Variants in GRB14 observed in about 807,000 individuals in gnomAD.
GRB14 encodes growth factor receptor bound protein 14, also known as growth factor receptor-bound protein 14.
A neutral mutation model predicts 69.1 loss-of-function variants in GRB14; 38 were observed. The ratio of observed to expected loss-of-function variants is 0.55; its 90% CI spans 0.42 to 0.72. GRB14 has a LOEUF of 0.72. Ranked by LOEUF, GRB14 falls within the 30% of genes least tolerant of loss-of-function variation. The pLI is 0.00. For synonymous variants in GRB14, 247 were observed against 241.3 expected (o/e 1.02, Z -0.22); for missense variants, 666 against 666.1 (o/e 1.00, Z 0.00).
chr2:164,500,450 A>G (rs73971021), intron 9 of GRB14, among the ~76,000 whole-genome samples: 6,898 of 152,202 alleles, frequency 0.045, 536 homozygotes, highest in African/African-American at 0.16. Context: ...CTAAAAACTT[A>G]TATGTTAATC....
At chr2:164,605,459 G>A (rs1006077697) in intron 2 of GRB14, among the ~76,000 whole-genome samples, 1 of 152,086 alleles carries the variant, frequency 6.6e-6, no homozygotes, top group Admixed American at 6.5e-5. Context: ...ATCTAGCCTA[G>A]ACTTACATGC....
At chr2:164,620,984 A>G (rs567166372) in intron 1 of GRB14, 135 bp downstream of exon 1, 129 of 689,500 alleles carry the variant, frequency 1.9e-4, no homozygotes, top group Non-Finnish European at 2.5e-4. Flanking sequence ...AGCCAGCTCA[A>G]AGGGGATTGT....
intron 2 of GRB14, among the ~76,000 whole-genome samples, chr2:164,561,189 C>T (rs1015239352): frequency 6.6e-6 from 1 of 151,982 alleles, no homozygotes; most frequent in Non-Finnish European, 1.5e-5. Flanking sequence ...GGGGTTCAGC[C>T]CAGGTGTTCA....
At chr2:164,555,261 C>T (rs1008643718) in intron 2 of GRB14, among the ~76,000 whole-genome samples, 2 of 152,172 alleles carry the variant, frequency 1.3e-5, no homozygotes, top group Admixed American at 6.6e-5. Context: ...TCAGCATTGT[C>T]AATGGTCGTT....
intron 2 of GRB14, among the ~76,000 whole-genome samples, chr2:164,603,293 T>TA (rs1689965919): frequency 6.6e-6 from 1 of 152,058 alleles, no homozygotes; most frequent in Non-Finnish European, 1.5e-5. Flanking sequence ...GGTCATTGGA[T>TA]AAAAAATCAA....
chr2:164,560,305 A>G (rs906202923), intron 2 of GRB14, among the ~76,000 whole-genome samples: 2 of 152,248 alleles, frequency 1.3e-5, no homozygotes, highest in Non-Finnish European at 2.9e-5. Context: ...TGTCAAAAAA[A>G]GACTATTTTT....
At position 164,579,501 on chromosome 2, in the gene GRB14, GCACACACA is replaced by G. The variant is rs61305070; in HGVS notation, c.325-31693_325-31686del. ...CCTCATTTTATTACAGGGCACACTTGCACACACACACACACACACACACACACACACAC... is the reference window on the plus strand; with the variant it reads ...CCTCATTTTATTACAGGGCACACTTGCACACACACACACACACACACACAC... On this transcript the variant is annotated intron_variant, in intron 2 of 13. Transcript: ENST00000263915. Among the ~76,000 whole-genome samples the G allele has an allele frequency of 3.2e-3, 461 of 145,100 alleles. 4 individuals carry two copies. Among genetic ancestry groups the G allele is most frequent in the African/African-American group, 9.0e-3 (341 of 37,944 alleles).
rs777479235 is a variant in GRB14, at chr2:164,621,144, C to G, written c.166G>C (p.Gly56Arg). ...HARALLPLPD[G>R]TRGCAADRRK... is the part of the protein sequence containing the mutation. ...CTGTCTGCAGCACAGCCGCGGGTCC[C>G]GTCCGGAAGGGGCAGGAGCGCTCGC... Residue 56 changes from glycine (G) to arginine (R), a missense_variant, in exon 1 of 14, where the codon GGG (glycine) becomes CGG (arginine). Coordinates refer to ENST00000263915, the MANE Select transcript of GRB14 (RefSeq NM_004490.3). The surrounding 1 kb of genome is among the most constrained non-coding windows in gnomAD (Gnocchi z 6.0). 1.1e-4 allele frequency: 138 copies of G among 1,246,120 alleles called. No homozygotes were observed. Among genetic ancestry groups the G allele is most frequent in the Admixed American group, 5.5e-4 (13 of 23,728 alleles). The allele number at this position is 1,246,120 out of a possible 1,614,324, so 77.2% of individuals were successfully genotyped here.
chr2:164,496,002 C>T (rs1405642261), intron 12 of GRB14, among the ~76,000 whole-genome samples: 2 of 152,162 alleles, frequency 1.3e-5, no homozygotes, highest in Non-Finnish European at 2.9e-5. Flanking sequence ...TTGGTTTCAT[C>T]AGATTGTAAT....
At chr2:164,496,881 G>A (rs1339631016) in intron 12 of GRB14, 127 bp downstream of exon 12, 2 of 707,092 alleles carry the variant, frequency 2.8e-6, no homozygotes, top group East Asian at 2.7e-5. Flanking sequence ...CTCATTTATA[G>A]AACAATGTCA....
intron 2 of GRB14, among the ~76,000 whole-genome samples, chr2:164,580,749 T>A (rs374743584): frequency 1.3e-4 from 20 of 152,100 alleles, no homozygotes; most frequent in Admixed American, 2.6e-4. Flanking sequence ...AAAGTATGCA[T>A]TACTTACACA....
At chr2:164,565,630 T>C (rs941794942) in intron 2 of GRB14, among the ~76,000 whole-genome samples, 10 of 152,166 alleles carry the variant, frequency 6.6e-5, no homozygotes, top group African/African-American at 2.2e-4. Flanking sequence ...CTAGTGATGA[T>C]CTGAGAAAAA....
chr2:164,548,637 C>T (rs1272852782), intron 2 of GRB14, among the ~76,000 whole-genome samples: 1 of 152,140 alleles, frequency 6.6e-6, no homozygotes, highest in Non-Finnish European at 1.5e-5. Context: ...AATATCCATA[C>T]TGTTTTTCAG....
intron 4 of GRB14, 46 bp downstream of exon 4, chr2:164,526,968 A>C (rs780306129): frequency 6.4e-6 from 9 of 1,409,878 alleles, no homozygotes; most frequent in Middle Eastern, 2.0e-4. Flanking sequence ...ATAAAATTTA[A>C]CGGGTTCATT....
intron 4 of GRB14, 23 bp from the exon 5 acceptor site, chr2:164,525,101 T>C: frequency 7.0e-7 from 1 of 1,426,718 alleles, no homozygotes; most frequent in Admixed American, 1.9e-5. Flanking sequence ...CACAGTTAAA[T>C]TATCACAAAA....
chr2:164,512,955 T>C (rs1326022026), intron 6 of GRB14, among the ~76,000 whole-genome samples: 1 of 152,238 alleles, frequency 6.6e-6, no homozygotes, highest in East Asian at 1.9e-4. Flanking sequence ...GTAAATATGC[T>C]ATTCCTGTTT....
At chr2:164,552,154 A>G (rs544550352) in intron 2 of GRB14, among the ~76,000 whole-genome samples, 158 of 152,368 alleles carry the variant, frequency 1.0e-3, no homozygotes, top group African/African-American at 3.7e-3. Flanking sequence ...CCCATGACCC[A>G]AACACCTCCT....
intron 2 of GRB14, among the ~76,000 whole-genome samples, chr2:164,589,101 G>C (rs570583233): frequency 6.6e-6 from 1 of 152,158 alleles, no homozygotes; most frequent in Non-Finnish European, 1.5e-5. Flanking sequence ...ACAGTACATA[G>C]AGTACTCTTG....
chr2:164,588,457 A>T (rs1689585873), intron 2 of GRB14, among the ~76,000 whole-genome samples: 1 of 152,216 alleles, frequency 6.6e-6, no homozygotes, highest in Admixed American at 6.5e-5. Context: ...CAGCAGAAAC[A>T]TCGAGAAAGC....
Sources: allele counts gnomAD v4.1 joint callset (sites outside exome capture counted in the v4.1 genomes callset), GRCh38; gene constraint gnomAD v4.1.1; non-coding constraint Gnocchi (gnomAD v3.1); transcripts MANE v1.5; gene names NCBI Gene and HGNC (gene_info 2026-07-23, HGNC 2026-07-21).